TSPAN9: variants seen among roughly 807,000 people sequenced by gnomAD.
The protein encoded by TSPAN9 is tetraspanin 9.
Under a neutral mutation model 31.0 loss-of-function variants are expected in TSPAN9, and 16 were observed. The observed-to-expected ratio is 0.52, with a 90% CI of 0.35 to 0.78. TSPAN9 has a LOEUF of 0.78. TSPAN9 is among the 30% of genes least tolerant of loss of function. TSPAN9 has a pLI of 0.01. For missense variants in TSPAN9, 272 were observed against 312.5 expected (o/e 0.87, Z 0.98); for synonymous variants, 145 against 121.6 (o/e 1.19, Z -1.27).
Position 3,218,725 on chromosome 12 carries a change from G to A in TSPAN9, c.63+17469G>A, listed in dbSNP as rs572294145. Among the ~76,000 whole-genome samples the A allele has an allele frequency of 5.1e-4, 78 of 152,298 alleles. No individual in the cohort carries two copies. The Middle Eastern group carries it at 0.01, about 20-fold the overall frequency. ...GAGCCCGCTTGGCTGGGTGCCTCGG[G>A]CCGCCTCCCTTCCTCTCTGCAGTGA... On this transcript the variant is annotated intron_variant, in intron 3 of 8. Transcript: ENST00000011898.
intron 2 of TSPAN9, among the ~76,000 whole-genome samples, chr12:3,119,097 A>C (rs2153966036): frequency 1.3e-5 from 2 of 152,300 alleles, no homozygotes; most frequent in Admixed American, 1.3e-4. Context: ...TGTTGTTTAG[A>C]AAGTCAGTCC....
intron 3 of TSPAN9, among the ~76,000 whole-genome samples, chr12:3,219,216 T>C (rs1318956013): frequency 1.3e-5 from 2 of 152,210 alleles, no homozygotes; most frequent in Non-Finnish European, 2.9e-5. Context: ...CTAGCAAGAA[T>C]GTTCGACCTC....
chr12:3,263,374 G>A (rs778640038), intron 3 of TSPAN9, among the ~76,000 whole-genome samples: 6 of 152,190 alleles, frequency 3.9e-5, no homozygotes, highest in African/African-American at 7.2e-5. Flanking sequence ...ACATCGCTTC[G>A]TCTAAAGGCT....
chr12:3,229,845 G>T (rs2098389768), intron 3 of TSPAN9, among the ~76,000 whole-genome samples: 1 of 152,174 alleles, frequency 6.6e-6, no homozygotes, highest in South Asian at 2.1e-4. Flanking sequence ...TGGCAGGCAG[G>T]CATGGTTGCA....
At chr12:3,206,703 G>T (rs1042661014) in intron 3 of TSPAN9, among the ~76,000 whole-genome samples, 5 of 152,004 alleles carry the variant, frequency 3.3e-5, no homozygotes, top group African/African-American at 1.2e-4. Context: ...AGCACCTGCC[G>T]TAAGCCGGGA....
chr12:3,166,128 G>C (rs770777458), intron 2 of TSPAN9, among the ~76,000 whole-genome samples: 6 of 152,166 alleles, frequency 3.9e-5, no homozygotes, highest in Admixed American at 2.0e-4. Context: ...TGATGAAAAT[G>C]GTTGAAATGA....
At chr12:3,081,407 C>T (rs11062492) in intron 1 of TSPAN9, among the ~76,000 whole-genome samples, 3,581 of 152,238 alleles carry the variant, frequency 0.024, 138 homozygotes, top group African/African-American at 0.082. Context: ...AGACTTATCT[C>T]CCAAGCATGC....
chr12:3,118,584 TA>T (rs2098323679), intron 2 of TSPAN9, among the ~76,000 whole-genome samples: 1 of 151,952 alleles, frequency 6.6e-6, no homozygotes, highest in Non-Finnish European at 1.5e-5. Context: ...CTCTTTTTTT[TA>T]ATGGAACAGG....
chr12:3,094,942 A>G (rs1416923218), intron 2 of TSPAN9, among the ~76,000 whole-genome samples: 4 of 109,878 alleles, frequency 3.6e-5, no homozygotes, highest in African/African-American at 1.6e-4. Context: ...GGGTCATGGG[A>G]CAATAGTGGA....
intron 3 of TSPAN9, among the ~76,000 whole-genome samples, chr12:3,214,924 T>C (rs2098380588): frequency 6.6e-6 from 1 of 151,596 alleles, no homozygotes; most frequent in South Asian, 2.1e-4. Flanking sequence ...TTCAGGGCTG[T>C]TCCCTGGCGC....
At chr12:3,121,545 T>G (rs1279739022) in intron 2 of TSPAN9, among the ~76,000 whole-genome samples, 3 of 141,076 alleles carry the variant, frequency 2.1e-5, no homozygotes, top group Non-Finnish European at 4.6e-5. Context: ...TTTTTTTTTT[T>G]TTTTTTTTTT....
intron 2 of TSPAN9, among the ~76,000 whole-genome samples, chr12:3,145,530 A>G (rs1219600493): frequency 6.6e-6 from 1 of 152,026 alleles, no homozygotes; most frequent in Non-Finnish European, 1.5e-5. Flanking sequence ...GGGGCAGAAG[A>G]CTCAAGTGCA....
At chr12:3,169,564 G>C (rs1235682282) in intron 2 of TSPAN9, among the ~76,000 whole-genome samples, 1 of 152,156 alleles carries the variant, frequency 6.6e-6, no homozygotes, top group Non-Finnish European at 1.5e-5. Context: ...TGGGAAAAGT[G>C]AAAAATGCTG....
Position 3,198,966 on chromosome 12 carries a change from A to G in TSPAN9, c.-17-2211A>G, listed in dbSNP as rs536778250. Reference sequence around the variant, plus strand: ...CTGGAATTCATGTCCCCCTCCCACCATGGCCATGCCTGTTGTGGTAGCTCT... The same window carrying G: ...CTGGAATTCATGTCCCCCTCCCACCGTGGCCATGCCTGTTGTGGTAGCTCT... On this transcript the variant is annotated intron_variant, in intron 2 of 8. Coordinates refer to ENST00000011898, the MANE Select transcript of TSPAN9 (RefSeq NM_006675.5). Among the ~76,000 whole-genome samples the G allele has an allele frequency of 1.7e-4, 26 of 152,296 alleles. No individual in the cohort carries two copies. The South Asian group carries it at 2.7e-3, about 16-fold the overall frequency.
intron 2 of TSPAN9, among the ~76,000 whole-genome samples, chr12:3,098,586 G>A (rs867192300): frequency 6.6e-5 from 10 of 152,152 alleles, no homozygotes; most frequent in African/African-American, 1.7e-4. Context: ...ATCCAGCCTC[G>A]TTCTTTGCTT....
chr12:3,232,746 C>T (rs974463044), intron 3 of TSPAN9, among the ~76,000 whole-genome samples: 17 of 152,154 alleles, frequency 1.1e-4, no homozygotes, highest in South Asian at 1.0e-3. Flanking sequence ...ATGGGTCTGG[C>T]GCAGCCCTGG....
chr12:3,242,599 C>G (rs2098397136), intron 3 of TSPAN9, among the ~76,000 whole-genome samples: 2 of 152,252 alleles, frequency 1.3e-5, no homozygotes, highest in Non-Finnish European at 2.9e-5. Context: ...CTGCTATCCT[C>G]TGCGGAGCCC....
chr12:3,257,760 C>A (rs1247642210), intron 3 of TSPAN9, among the ~76,000 whole-genome samples: 1 of 87,346 alleles, frequency 1.1e-5, no homozygotes, highest in Admixed American at 1.8e-4. Flanking sequence ...GGTCAAGAGA[C>A]TTTGGGCGGG....
intron 3 of TSPAN9, among the ~76,000 whole-genome samples, chr12:3,224,658 G>A (rs1293610956): frequency 6.6e-6 from 1 of 152,242 alleles, no homozygotes; most frequent in African/African-American, 2.4e-5. Context: ...AGCAGCCTGG[G>A]ATCTCCGATG....
Sources: allele counts gnomAD v4.1 joint callset (sites outside exome capture counted in the v4.1 genomes callset), GRCh38; gene constraint gnomAD v4.1.1; transcripts MANE v1.5; gene names NCBI Gene and HGNC (gene_info 2026-07-23, HGNC 2026-07-21).